PSPH: variants seen among roughly 807,000 people sequenced by gnomAD.
PSPH encodes L-3-phosphoserine phosphatase.
PSPH carries 16 observed loss-of-function variants against 23.4 expected under a neutral mutation model. The ratio of observed to expected loss-of-function variants is 0.68; its 90% confidence interval spans 0.46 to 1.04. PSPH has a LOEUF of 1.04. Ranked by LOEUF, PSPH falls within the 50% of genes least tolerant of loss-of-function variation. PSPH has a pLI of 0.00. For synonymous variants in PSPH, 68 were observed against 99.7 expected, an observed-to-expected ratio of 0.68 and a Z score of 1.89; for missense variants, 223 against 273.7, an observed-to-expected ratio of 0.81 and a Z score of 1.31.
At chr7:56,044,134 G>T (rs1401644541) in intron 1 of PSPH, among the ~76,000 whole-genome samples, 1 of 152,094 alleles carries the variant, frequency 6.6e-6, no homozygotes, top group Non-Finnish European at 1.5e-5. Flanking sequence ...TAGAGACGGG[G>T]TTTCTCCATG....
rs145408555 is a variant in PSPH, at chr7:56,021,141, C to G, written c.72G>C (p.Thr24=). 4,953 of 1,614,208 alleles carry G rather than the reference C, an allele frequency of 3.1e-3. 16 individuals carry two copies. Among genetic ancestry groups the G allele is most frequent in the Non-Finnish European group, 3.7e-3 (4,391 of 1,180,008 alleles). ...CATCGATTCCTTCTTCTCTGATGAC[C>G]GTGCTGTCAACATCAAAACACACAG... The part of the protein sequence containing the change: ...ADAVCFDVDS[T]VIREEGIDEL... Residue 24 remains threonine, a synonymous_variant, in exon 4 of 8, where the codon ACG becomes ACC. Transcript: ENST00000275605.
At position 56,021,561 on chromosome 7, in the gene PSPH, G is replaced by C. The variant is rs138265834; in HGVS notation, c.-19-330C>G. Among the ~76,000 whole-genome samples, 48 of 150,670 alleles carry C rather than the reference G, an allele frequency of 3.2e-4. 2 individuals carry two copies. The highest frequency in any genetic ancestry group is 1.1e-3 in the African/African-American group (46 of 41,214). On this transcript the variant is annotated intron_variant, in intron 3 of 7. Transcript: ENST00000275605. ...AGCCTCCTGAGTAGCTCAAATACCT[G>C]TGCCTCCTTGAAGCCATCTTTCTTT...
At chr7:56,017,836 T>G (rs1788784690) in intron 5 of PSPH, among the ~76,000 whole-genome samples, 1 of 151,634 alleles carries the variant, frequency 6.6e-6, no homozygotes, top group Admixed American at 6.6e-5. Flanking sequence ...GATTCTCTTG[T>G]GTCAGCCTCC....
rs1301779779 is a variant in PSPH at position 56,039,880 on chromosome 7, C to T, written c.-291-5774G>A. ...TTGGGAGGCCGAGGTGGGCGGATCA[C>T]GAGGTCAGGAGATCGAGACCATCCT... On this transcript the variant is annotated intron_variant, in intron 1 of 7. Transcript: ENST00000275605. 4.6e-5 allele frequency among the ~76,000 whole-genome samples: 7 copies of T among 151,360 alleles called. No homozygotes were observed. In the East Asian group the frequency reaches 5.8e-4, roughly 13 times the overall value.
At chr7:56,022,207 C>T (rs1358573690) in intron 3 of PSPH, among the ~76,000 whole-genome samples, 7 of 151,718 alleles carry the variant, frequency 4.6e-5, no homozygotes, top group African/African-American at 1.5e-4. Flanking sequence ...TAGTGGTGCA[C>T]GCCTGTAATC....
intron 3 of PSPH, among the ~76,000 whole-genome samples, chr7:56,021,725 G>T (rs1418191047): frequency 2.0e-5 from 3 of 151,060 alleles, no homozygotes; most frequent in Admixed American, 1.3e-4. Context: ...GAGGCGGGCG[G>T]ATCACGAGGT....
intron 5 of PSPH, among the ~76,000 whole-genome samples, chr7:56,018,753 C>T (rs1260265752): frequency 6.6e-6 from 1 of 151,428 alleles, no homozygotes; most frequent in African/African-American, 2.4e-5. Context: ...ATCATTTGAG[C>T]CCACAAGTTC....
Position 56,021,239 on chromosome 7 carries a change from A to G in PSPH, c.-19-8T>C. On this transcript the variant is annotated splice_polypyrimidine_tract_variant and splice_region_variant and intron_variant, in intron 3 of 7. Transcript: ENST00000275605. ...GCTGGAAGAATTTTCCTCCTACAAG[A>G]AAAAAGATAAATGTATTTAAAGACA... 2 of 1,528,436 alleles carry G rather than the reference A, an allele frequency of 1.3e-6. No homozygotes were observed. Among genetic ancestry groups the G allele is most frequent in the Non-Finnish European group, 1.7e-6 (2 of 1,155,960 alleles). The allele number at this position is 1,528,436 out of a possible 1,614,324, so 94.7% of individuals were successfully genotyped here.
intron 6 of PSPH, 34 bp downstream of exon 6, chr7:56,017,200 T>C: frequency 6.2e-7 from 1 of 1,613,510 alleles, no homozygotes; most frequent in African/African-American, 1.3e-5. Flanking sequence ...ATGGAACTGC[T>C]AAGAAAGGGA....
chr7:56,046,839 G>C (rs1440557418), intron 1 of PSPH, among the ~76,000 whole-genome samples: 1 of 149,412 alleles, frequency 6.7e-6, no homozygotes, highest in African/African-American at 2.5e-5. Flanking sequence ...ATAGACATCA[G>C]CCACTACACC....
chr7:56,042,656 GAAAA>G (rs35744032), intron 1 of PSPH, among the ~76,000 whole-genome samples: 1 of 107,252 alleles, frequency 9.3e-6, no homozygotes, highest in Non-Finnish European at 2.0e-5. Flanking sequence ...GTCTCAGAAG[GAAAA>G]AAAAAAAAAA....
chr7:56,011,734 G>A lies in PSPH; in HGVS notation c.*28C>T, dbSNP rs1203272809. ...TATAACTTGTAAAAATTCATCTGAA[G>A]TTGTTTGGAGCTGTACGACAATGGA... On this transcript the variant is annotated 3_prime_UTR_variant, in exon 8 of 8. Transcript: ENST00000275605. 3.2e-6 allele frequency: 5 copies of A among 1,543,474 alleles called. No homozygotes were observed. The highest frequency in any genetic ancestry group is 3.3e-5 in the Admixed American group (2 of 59,852).
At chr7:56,042,872 C>A (rs923804432) in intron 1 of PSPH, among the ~76,000 whole-genome samples, 6 of 151,814 alleles carry the variant, frequency 4.0e-5, no homozygotes, top group Non-Finnish European at 5.9e-5. Flanking sequence ...AAAAAGAGGA[C>A]AAATAAAAGT....
intron 1 of PSPH, among the ~76,000 whole-genome samples, chr7:56,040,569 T>C (rs879560634): frequency 6.6e-6 from 1 of 151,998 alleles, no homozygotes; most frequent in African/African-American, 2.4e-5. Flanking sequence ...TACAAAGCGA[T>C]ATGATTATAG....
At chr7:56,018,357 AC>A (rs1224362794) in intron 5 of PSPH, among the ~76,000 whole-genome samples, 13 of 136,570 alleles carry the variant, frequency 9.5e-5, no homozygotes, top group East Asian at 4.9e-4. Flanking sequence ...AACAACAACA[AC>A]AAAAAAAAAA....
intron 1 of PSPH, among the ~76,000 whole-genome samples, chr7:56,047,903 C>G (rs530326476): frequency 2.0e-5 from 3 of 152,092 alleles, no homozygotes; most frequent in Non-Finnish European, 4.4e-5. Context: ...CTTGACCTCA[C>G]GATCCGCCGG....
intron 3 of PSPH, among the ~76,000 whole-genome samples, chr7:56,026,197 C>T (rs894480906): frequency 2.0e-5 from 3 of 151,860 alleles, no homozygotes; most frequent in South Asian, 4.2e-4. Context: ...AACAAGGGGC[C>T]GGCTGCAGTG....
At position 56,045,123 on chromosome 7, in the gene PSPH, C is replaced by T. The variant is rs569388666; in HGVS notation, c.-292+6015G>A. On this transcript the variant is annotated intron_variant, in intron 1 of 7. Coordinates refer to ENST00000275605, the MANE Select transcript of PSPH (RefSeq NM_004577.4). ...TCTTGAATCCATACTGATACAAATT[C>T]ATTCATTCAGTCAGTCATTCATGGA... Among the ~76,000 whole-genome samples the T allele has an allele frequency of 3.4e-5, 5 of 149,194 alleles. 1 individual carries two copies. In the South Asian group the frequency reaches 8.5e-4, roughly 25 times the overall value.
At chr7:56,027,211 C>CAAAAAAAAAA (rs11322718) in intron 3 of PSPH, among the ~76,000 whole-genome samples, 1 of 115,432 alleles carries the variant, frequency 8.7e-6, no homozygotes. Flanking sequence ...GTCTCAAAAA[C>CAAAAAAAAAA]AAAAAAAAAA....
Sources: gnomAD v4.1 joint callset for allele counts (sites outside exome capture counted in the v4.1 genomes callset) on GRCh38, gnomAD v4.1.1 for gene constraint, MANE v1.5 for transcripts, NCBI Gene and HGNC (gene_info 2026-07-23, HGNC 2026-07-21) for gene names.